GALNT17: variants seen among roughly 807,000 people sequenced by gnomAD.
GALNT17 encodes UDP-GalNAc:polypeptide N-acetylgalactosaminyltransferase-like 3.
Under a neutral mutation model 63.7 loss-of-function variants are expected in GALNT17, and 29 were observed. The ratio of observed to expected loss-of-function variants is 0.46; its 90% confidence interval spans 0.34 to 0.62. The LOEUF (loss-of-function observed/expected upper bound fraction) is 0.62. Ranked by LOEUF, GALNT17 falls within the 20% of genes least tolerant of loss-of-function variation. The pLI is 0.01. For synonymous variants in GALNT17, 305 were observed against 318.3 expected, an observed-to-expected ratio of 0.96 and a Z score of 0.45; for missense variants, 603 against 799.6, an observed-to-expected ratio of 0.75 and a Z score of 2.97.
chr7:71,228,400 G>A (rs1789721648), intron 1 of GALNT17, among the ~76,000 whole-genome samples: 1 of 152,188 alleles, frequency 6.6e-6, no homozygotes, highest in Non-Finnish European at 1.5e-5. Context: ...AGAAGCCATT[G>A]CCCTTGAATT....
intron 1 of GALNT17, among the ~76,000 whole-genome samples, chr7:71,295,615 C>T (rs1452614623): frequency 3.3e-5 from 5 of 150,862 alleles, no homozygotes; most frequent in African/African-American, 1.2e-4. Flanking sequence ...CTTCCCCCAC[C>T]TCCACTTTCT....
intron 5 of GALNT17, among the ~76,000 whole-genome samples, chr7:71,523,706 C>A (rs2116758950): frequency 6.6e-6 from 1 of 151,318 alleles, no homozygotes; most frequent in South Asian, 2.1e-4. Flanking sequence ...TGTGCCACTG[C>A]AATCCAGCCT....
intron 2 of GALNT17, among the ~76,000 whole-genome samples, chr7:71,384,878 G>T (rs1193265754): frequency 6.6e-6 from 1 of 152,180 alleles, no homozygotes; most frequent in Non-Finnish European, 1.5e-5. Flanking sequence ...CCAGCCTGGA[G>T]CTCACCGTCC....
rs1249647222 is a variant in GALNT17, at chr7:71,539,156, T to C, written c.963-32129T>C. On this transcript the variant is annotated intron_variant, in intron 5 of 10. Transcript: ENST00000333538. The stretch of plus-strand genomic sequence containing the variant: ...CATGTTGGCCACGCTAGTCTCAAAC[T>C]CCTGACCTCAAGTGATCTGCACCTC... Among the ~76,000 whole-genome samples the C allele has an allele frequency of 2.6e-5, 4 of 152,048 alleles. No homozygotes were observed. The East Asian group carries it at 7.8e-4, about 29-fold the overall frequency.
chr7:71,409,786 T>C (rs1793398346), intron 3 of GALNT17, among the ~76,000 whole-genome samples: 2 of 152,134 alleles, frequency 1.3e-5, no homozygotes, highest in African/African-American at 4.8e-5. Flanking sequence ...TTCATGAGTA[T>C]AGGGTAGCCA....
intron 5 of GALNT17, among the ~76,000 whole-genome samples, chr7:71,533,174 G>A (rs997173482): frequency 1.3e-5 from 2 of 152,128 alleles, no homozygotes; most frequent in African/African-American, 4.8e-5. Flanking sequence ...TTAGTAATAT[G>A]GTGACTAGCT....
intron 6 of GALNT17, among the ~76,000 whole-genome samples, chr7:71,619,369 A>G (rs1397104890): frequency 2.6e-5 from 4 of 152,234 alleles, no homozygotes; most frequent in Admixed American, 1.3e-4. Context: ...TTGAATCTGT[A>G]AATTGCTTTT....
intron 1 of GALNT17, among the ~76,000 whole-genome samples, chr7:71,310,839 G>A (rs1000853016): frequency 6.6e-5 from 10 of 152,262 alleles, no homozygotes; most frequent in South Asian, 4.2e-4. Context: ...GGAATGCCAC[G>A]CGATGTTCTG....
intron 6 of GALNT17, among the ~76,000 whole-genome samples, chr7:71,585,379 CTACGG>C (rs1789699958): frequency 6.6e-6 from 1 of 152,120 alleles, no homozygotes; most frequent in African/African-American, 2.4e-5. Context: ...TCATTAGGGC[CTACGG>C]AATGGTGATT....
At chr7:71,654,757 T>G (rs1790803504) in intron 6 of GALNT17, among the ~76,000 whole-genome samples, 1 of 152,200 alleles carries the variant, frequency 6.6e-6, no homozygotes, top group Non-Finnish European at 1.5e-5. Context: ...TCACAGGCTT[T>G]CACCGGGAGG....
intron 6 of GALNT17, among the ~76,000 whole-genome samples, chr7:71,646,655 C>G (rs1270879859): frequency 6.6e-6 from 1 of 152,002 alleles, no homozygotes; most frequent in Non-Finnish European, 1.5e-5. Flanking sequence ...AGGCTGAACC[C>G]TCCTATGCTT....
chr7:71,173,587 A>G (rs1014581756), intron 1 of GALNT17, among the ~76,000 whole-genome samples: 2 of 152,148 alleles, frequency 1.3e-5, no homozygotes, highest in Non-Finnish European at 2.9e-5. Context: ...AGCCTGGCCA[A>G]CATGGCAAAA....
At chr7:71,248,746 T>C (rs1389512453) in intron 1 of GALNT17, among the ~76,000 whole-genome samples, 1 of 152,180 alleles carries the variant, frequency 6.6e-6, no homozygotes, top group African/African-American at 2.4e-5. Flanking sequence ...TCTTTGTTCT[T>C]AGCCTTTCTA....
intron 6 of GALNT17, among the ~76,000 whole-genome samples, chr7:71,583,526 C>G (rs947858446): frequency 1.3e-5 from 2 of 152,156 alleles, no homozygotes; most frequent in Admixed American, 1.3e-4. Flanking sequence ...CCAGCTTTCA[C>G]TGTTACACAA....
intron 1 of GALNT17, among the ~76,000 whole-genome samples, chr7:71,218,785 T>G (rs1158262562): frequency 6.6e-6 from 1 of 152,020 alleles, no homozygotes; most frequent in Non-Finnish European, 1.5e-5. Flanking sequence ...GATGAGTGCT[T>G]CTTATGAGAA....
intron 2 of GALNT17, among the ~76,000 whole-genome samples, chr7:71,341,726 G>A (rs542854935): frequency 3.3e-5 from 5 of 152,206 alleles, no homozygotes; most frequent in Admixed American, 6.5e-5. Flanking sequence ...TAAACCCATC[G>A]CAAAAATGTA....
Position 71,631,148 on chromosome 7 carries a change from T to C in GALNT17, c.1081-34263T>C, listed in dbSNP as rs1790447715. Among the ~76,000 whole-genome samples the C allele has an allele frequency of 1.3e-5, 2 of 152,026 alleles. 1 individual carries two copies. The highest frequency in any genetic ancestry group is 4.1e-4 in the South Asian group (2 of 4,824). On this transcript the variant is annotated intron_variant, in intron 6 of 10. Coordinates refer to ENST00000333538, the MANE Select transcript of GALNT17 (RefSeq NM_022479.3). ...TTTTGCATTCTGTAGCCAGGGAACA[T>C]TGTGGTGTAAGGAAGTGTTTAAGTA...
intron 6 of GALNT17, among the ~76,000 whole-genome samples, chr7:71,653,463 T>A (rs1790782489): frequency 1.3e-5 from 2 of 152,004 alleles, no homozygotes; most frequent in South Asian, 4.2e-4. Context: ...TGCAGTGCAA[T>A]GGTGTAATCT....
At chr7:71,676,708 T>G (rs918782223) in intron 8 of GALNT17, among the ~76,000 whole-genome samples, 5 of 152,182 alleles carry the variant, frequency 3.3e-5, no homozygotes, top group African/African-American at 1.2e-4. Flanking sequence ...TTCATGCCTT[T>G]ATGCAAATAA....
Sources: allele counts gnomAD v4.1 joint callset (sites outside exome capture counted in the v4.1 genomes callset), GRCh38; gene constraint gnomAD v4.1.1; transcripts MANE v1.5; gene names NCBI Gene and HGNC (gene_info 2026-07-23, HGNC 2026-07-21).